NUF2: variants seen among roughly 807,000 people sequenced by gnomAD.
NUF2 encodes kinetochore protein Nuf2.
In NUF2, 34 loss-of-function variants were observed where a neutral mutation model predicts 61.8. The observed-to-expected ratio is 0.55, with a 90% CI of 0.42 to 0.73. The LOEUF is 0.73. NUF2 is among the 30% of genes least tolerant of loss of function. The pLI, the probability that NUF2 is intolerant of heterozygous loss-of-function variation, is 0.00. For synonymous variants in NUF2, 172 were observed against 181.6 expected (o/e 0.95, Z 0.42); for missense variants, 445 against 539.1 (o/e 0.83, Z 1.73).
intron 11 of NUF2, among the ~76,000 whole-genome samples, chr1:163,347,310 G>T (rs762783060): frequency 2.0e-5 from 3 of 152,132 alleles, no homozygotes; most frequent in Non-Finnish European, 2.9e-5. Flanking sequence ...TTTCTTTTTT[G>T]AGATAAGTAG....
At chr1:163,351,529 G>A (rs1651318106) in intron 13 of NUF2, among the ~76,000 whole-genome samples, 1 of 152,106 alleles carries the variant, frequency 6.6e-6, no homozygotes, top group Non-Finnish European at 1.5e-5. Flanking sequence ...GATTTGATCA[G>A]CATGCCTTTT....
chr1:163,339,750 C>T (rs1295430412), intron 8 of NUF2, among the ~76,000 whole-genome samples: 1 of 152,100 alleles, frequency 6.6e-6, no homozygotes, highest in Non-Finnish European at 1.5e-5. Context: ...AAACCATGCA[C>T]TGTGGCACCC....
intron 1 of NUF2, among the ~76,000 whole-genome samples, chr1:163,322,591 G>A (rs1273623005): frequency 1.3e-5 from 2 of 152,160 alleles, no homozygotes; most frequent in East Asian, 1.9e-4. Context: ...TTCAAGGAAC[G>A]TTTTACTTAA....
At chr1:163,334,761 AGAGT>A (rs1650701377) in intron 5 of NUF2, among the ~76,000 whole-genome samples, 1 of 152,160 alleles carries the variant, frequency 6.6e-6, no homozygotes, top group Admixed American at 6.5e-5. Context: ...CCTGAGCAAC[AGAGT>A]GAGACCTGCT....
At chr1:163,326,947 G>A (rs1189599633) in intron 2 of NUF2, among the ~76,000 whole-genome samples, 1 of 152,058 alleles carries the variant, frequency 6.6e-6, no homozygotes, top group Non-Finnish European at 1.5e-5. Context: ...CAGATTCACA[G>A]GTCAGCATTT....
chr1:163,342,811 G>A (rs1483650613), intron 9 of NUF2, among the ~76,000 whole-genome samples: 1 of 151,996 alleles, frequency 6.6e-6, no homozygotes, highest in Non-Finnish European at 1.5e-5. Context: ...AACATCATAT[G>A]CATACACATA....
intron 11 of NUF2, 83 bp downstream of exon 11, chr1:163,345,901 T>C (rs1307217851): frequency 8.1e-6 from 8 of 990,394 alleles, no homozygotes; most frequent in East Asian, 2.5e-5. Flanking sequence ...CTTTTTGTTA[T>C]GTTTTCCTAA....
chr1:163,327,597 TTTTG>T (rs753317603), intron 3 of NUF2, 35 bp downstream of exon 3: 70 of 1,338,538 alleles, frequency 5.2e-5, no homozygotes, highest in South Asian at 7.1e-5. Context: ...ATGGGGTTTT[TTTTG>T]TTTGTTTGTT....
intron 5 of NUF2, among the ~76,000 whole-genome samples, chr1:163,331,494 A>G (rs1444090558): frequency 6.6e-6 from 1 of 152,020 alleles, no homozygotes; most frequent in Non-Finnish European, 1.5e-5. Context: ...TGATCTGAAT[A>G]TCAGGATATA....
chr1:163,324,876 G>A (rs557805018), intron 1 of NUF2, among the ~76,000 whole-genome samples: 1 of 141,852 alleles, frequency 7.0e-6, no homozygotes, highest in South Asian at 2.5e-4. Flanking sequence ...AAGGCTCTAG[G>A]ACAAGGTTTC....
At chr1:163,349,896 C>A (rs1651254253) in intron 13 of NUF2, among the ~76,000 whole-genome samples, 1 of 151,274 alleles carries the variant, frequency 6.6e-6, no homozygotes, top group Admixed American at 6.6e-5. Flanking sequence ...CTGGCCTGCT[C>A]TTTTCTGTTT....
At chr1:163,340,162 G>T in intron 8 of NUF2, 3 of 502,954 alleles carry the variant, frequency 6.0e-6, no homozygotes, top group Admixed American at 4.1e-5. Context: ...TAAATACTAG[G>T]CCATTATTTG....
chr1:163,341,412 A>T (rs1447320274), intron 9 of NUF2, among the ~76,000 whole-genome samples: 3 of 151,728 alleles, frequency 2.0e-5, no homozygotes, highest in African/African-American at 7.3e-5. Flanking sequence ...GTTTTACCAT[A>T]TTATGCAAGC....
chr1:163,351,033 G>T (rs1377693795), intron 13 of NUF2, among the ~76,000 whole-genome samples: 2 of 151,840 alleles, frequency 1.3e-5, no homozygotes, highest in Admixed American at 6.6e-5. Flanking sequence ...TAATGATCAC[G>T]GTTTCTTTCA....
intron 13 of NUF2, among the ~76,000 whole-genome samples, chr1:163,350,820 G>A (rs1651292282): frequency 6.6e-6 from 1 of 152,068 alleles, no homozygotes; most frequent in Non-Finnish European, 1.5e-5. Flanking sequence ...TAATAGGCTT[G>A]GCTTAATTGT....
chr1:163,347,564 C>G (rs145540101), intron 11 of NUF2, among the ~76,000 whole-genome samples, 199 bp from the exon 12 acceptor site: 34 of 152,316 alleles, frequency 2.2e-4, no homozygotes, highest in African/African-American at 7.5e-4. Flanking sequence ...GTTGTCATGT[C>G]CTTTCTCAGT....
At chr1:163,354,615 A>T (rs1651428490) in intron 13 of NUF2, among the ~76,000 whole-genome samples, 1 of 152,120 alleles carries the variant, frequency 6.6e-6, no homozygotes, top group Non-Finnish European at 1.5e-5. Context: ...CTGGAAAAAG[A>T]TGACTGTTTT....
In NUF2 at chr1:163,328,908, G is replaced by T. The variant is rs375054079; in HGVS notation, c.337+1G>T. Reference sequence around the variant, plus strand: ...GAGACTGCTGATATTCTATGTCCAAGTAAGTGAGAATTTAAAACAGTTTTA... The same window carrying T: ...GAGACTGCTGATATTCTATGTCCAATTAAGTGAGAATTTAAAACAGTTTTA... On this transcript the variant is annotated splice_donor_variant, in intron 5 of 13. Transcript: ENST00000271452. LOFTEE classifies it high-confidence loss of function. The T allele has an allele frequency of 2.5e-4, 387 of 1,568,952 alleles. No individual in the cohort carries two copies. The highest frequency in any genetic ancestry group is 2.5e-4 in the Non-Finnish European group (284 of 1,145,464).
At chr1:163,336,060 T>C (rs1428121838) in intron 5 of NUF2, among the ~76,000 whole-genome samples, 1 of 149,608 alleles carries the variant, frequency 6.7e-6, no homozygotes, top group Non-Finnish European at 1.5e-5. Context: ...ATTTGTGTTA[T>C]GTTTTAATAT....
Sources: allele counts gnomAD v4.1 joint callset (sites outside exome capture counted in the v4.1 genomes callset), GRCh38; gene constraint gnomAD v4.1.1; transcripts MANE v1.5; gene names NCBI Gene and HGNC (gene_info 2026-07-23, HGNC 2026-07-21).